The following XPR1 variants were observed in gnomAD, a reference collection of about 807,000 sequenced individuals.
The protein encoded by XPR1 is xenotropic and polytropic retrovirus receptor 1, also known as solute carrier family 53 member 1.
XPR1 carries 28 observed loss-of-function variants against 87.5 expected under a neutral mutation model. The ratio of observed to expected loss-of-function variants is 0.32; its 90% CI spans 0.24 to 0.44. The LOEUF (loss-of-function observed/expected upper bound fraction) is 0.44. Ranked by LOEUF, XPR1 falls within the 20% of genes least tolerant of loss-of-function variation. The pLI is 1.00. For synonymous variants in XPR1, 300 were observed against 306.1 expected, an observed-to-expected ratio of 0.98 and a Z score of 0.21; for missense variants, 559 against 862.3, an observed-to-expected ratio of 0.65 and a Z score of 4.41.
chr1:180,727,112 C>G (rs915091419), intron 2 of XPR1, among the ~76,000 whole-genome samples: 1 of 152,066 alleles, frequency 6.6e-6, no homozygotes, highest in Non-Finnish European at 1.5e-5. Flanking sequence ...ATCTGCCTGC[C>G]TCAGCCTCCC....
rs376037399 is a variant in XPR1 at position 180,820,855 on chromosome 1, TTA to T, written c.764-3888_764-3887del. Among the ~76,000 whole-genome samples, 242 of 152,178 alleles carry T rather than the reference TTA, an allele frequency of 1.6e-3. 1 individual carries two copies. The highest frequency in any genetic ancestry group is 5.5e-3 in the African/African-American group (228 of 41,548). ...ATCTTTTCATGTGCTCATTGGCCATTTATATATATATTTTGGACAAATGTCTA... is the reference window on the plus strand; with the variant it reads ...ATCTTTTCATGTGCTCATTGGCCATTTATATATATTTTGGACAAATGTCTA... On this transcript the variant is annotated intron_variant, in intron 7 of 14. Coordinates refer to ENST00000367590, the MANE Select transcript of XPR1 (RefSeq NM_004736.4).
intron 7 of XPR1, among the ~76,000 whole-genome samples, chr1:180,821,591 T>G (rs1357021584): frequency 6.6e-6 from 1 of 152,202 alleles, no homozygotes; most frequent in African/African-American, 2.4e-5. Context: ...AAAAAGCCAT[T>G]GGAATTTTGA....
intron 2 of XPR1, among the ~76,000 whole-genome samples, chr1:180,775,394 G>A (rs1648673136): frequency 6.6e-6 from 1 of 151,840 alleles, no homozygotes; most frequent in Non-Finnish European, 1.5e-5. Flanking sequence ...AGACCAGACT[G>A]GGCAACAAAG....
chr1:180,803,837 T>C (rs1649883298), intron 4 of XPR1, among the ~76,000 whole-genome samples: 2 of 152,158 alleles, frequency 1.3e-5, no homozygotes, highest in Admixed American at 1.3e-4. Flanking sequence ...AACTTTCCTA[T>C]AATATTTAAT....
At chr1:180,719,078 A>G (rs1443845778) in intron 2 of XPR1, among the ~76,000 whole-genome samples, 18 of 152,206 alleles carry the variant, frequency 1.2e-4, no homozygotes, top group Admixed American at 1.2e-3. Context: ...TGACCATTCA[A>G]TGGTAACGCT....
intron 2 of XPR1, among the ~76,000 whole-genome samples, chr1:180,787,299 T>C (rs957677348): frequency 6.6e-6 from 1 of 151,728 alleles, no homozygotes; most frequent in Non-Finnish European, 1.5e-5. Context: ...TTTTTTTTGT[T>C]TTTTTTGTTT....
At chr1:180,865,202 G>A (rs1652346687) in intron 12 of XPR1, among the ~76,000 whole-genome samples, 2 of 151,974 alleles carry the variant, frequency 1.3e-5, no homozygotes, top group Non-Finnish European at 2.9e-5. Flanking sequence ...CTAAACTATA[G>A]CAATACCCCC....
intron 2 of XPR1, among the ~76,000 whole-genome samples, chr1:180,750,443 A>G (rs1181054821): frequency 6.6e-6 from 1 of 152,184 alleles, no homozygotes; most frequent in Non-Finnish European, 1.5e-5. Context: ...CCAAAAGAAT[A>G]GCATGGAGTA....
In XPR1 at chr1:180,640,711, T is replaced by TGTA. The variant is rs1289640561; in HGVS notation, c.69+8442_69+8444dup. ...ATTATATTTCCCTCAAGGTTATCAG[T>TGTA]GTAACTATTACTGGACAGCCAGCTG... is the stretch of plus-strand genomic sequence containing the variant. On this transcript the variant is annotated intron_variant, in intron 1 of 14. Transcript: ENST00000367590. Among the ~76,000 whole-genome samples, 17 of 152,272 alleles carry TGTA rather than the reference T, an allele frequency of 1.1e-4. No individual in the cohort carries two copies. In the East Asian group the frequency reaches 3.1e-3, roughly 28 times the overall value.
chr1:180,790,325 C>G (rs1293708121), intron 3 of XPR1, among the ~76,000 whole-genome samples: 1 of 151,728 alleles, frequency 6.6e-6, no homozygotes, highest in Non-Finnish European at 1.5e-5. Flanking sequence ...CCCTTTATAC[C>G]AATTCAATCT....
chr1:180,695,018 G>T (rs1476425228), intron 2 of XPR1, among the ~76,000 whole-genome samples: 2 of 152,092 alleles, frequency 1.3e-5, no homozygotes, highest in Admixed American at 1.3e-4. Flanking sequence ...CACCAACAGT[G>T]AATAAGAGTC....
chr1:180,744,646 A>ATTTTTTTTTTTTTTTTTTT (rs1295757177), intron 2 of XPR1, among the ~76,000 whole-genome samples: 2 of 48,196 alleles, frequency 4.1e-5, no homozygotes, highest in African/African-American at 9.2e-5. Context: ...TTTAGGCACA[A>ATTTTTTTTTTTTTTTTTTT]TTTCTTTCTT....
intron 14 of XPR1, among the ~76,000 whole-genome samples, chr1:180,882,199 C>G (rs1053882116): frequency 1.3e-5 from 2 of 152,154 alleles, no homozygotes; most frequent in Admixed American, 6.5e-5. Flanking sequence ...AACGGAGAAA[C>G]TCTGGGAAAC....
intron 1 of XPR1, among the ~76,000 whole-genome samples, chr1:180,677,716 A>C (rs1289309407): frequency 3.3e-5 from 5 of 152,236 alleles, no homozygotes; most frequent in African/African-American, 1.2e-4. Context: ...CCAGGCAAGA[A>C]GGTAGTTTGT....
At position 180,884,931 on chromosome 1, in the gene XPR1, A is replaced by G. The variant is rs3856061; in HGVS notation, c.*865A>G. The G allele has an allele frequency of 1, 151,705 of 152,408 alleles. 75,513 individuals carry two copies. The highest frequency in any genetic ancestry group is 1 in the Middle Eastern group (294 of 294). The allele number at this position is 152,408 out of a possible 1,614,324, so 9.4% of individuals were successfully genotyped here. A position where few individuals can be genotyped will look rare whatever the true frequency, so the allele number is the denominator to read the frequency against. On this transcript the variant is annotated 3_prime_UTR_variant, in exon 15 of 15. Transcript: ENST00000367590. ...CTTTAGAGTCCTGAGCATATCTCTC[A>G]TAACAAGGAATCCCACACTTCACAC...
chr1:180,815,855 G>T (rs1037257625), intron 7 of XPR1, among the ~76,000 whole-genome samples: 11 of 152,210 alleles, frequency 7.2e-5, no homozygotes, highest in African/African-American at 2.6e-4. Context: ...TTGGCAGTGT[G>T]TGTAAAAATT....
intron 2 of XPR1, among the ~76,000 whole-genome samples, chr1:180,717,828 G>A (rs1192735914): frequency 6.6e-6 from 1 of 152,058 alleles, no homozygotes; most frequent in Non-Finnish European, 1.5e-5. Flanking sequence ...ACCACCCCAG[G>A]AAACATTTTC....
At chr1:180,778,474 G>T (rs3013635) in intron 2 of XPR1, among the ~76,000 whole-genome samples, 4 of 152,332 alleles carry the variant, frequency 2.6e-5, no homozygotes, top group African/African-American at 9.6e-5. Context: ...GAGTTTCTCA[G>T]CCTTGATACT....
chr1:180,741,571 C>A (rs752899502), intron 2 of XPR1, among the ~76,000 whole-genome samples: 2 of 152,118 alleles, frequency 1.3e-5, no homozygotes, highest in Non-Finnish European at 2.9e-5. Flanking sequence ...CTGCAACCTC[C>A]GCCTCCTGGG....
Sources: gnomAD v4.1 joint callset for allele counts (sites outside exome capture counted in the v4.1 genomes callset) on GRCh38, gnomAD v4.1.1 for gene constraint, MANE v1.5 for transcripts, NCBI Gene and HGNC (gene_info 2026-07-23, HGNC 2026-07-21) for gene names.